The following SFSWAP variants were observed in gnomAD, a reference collection of about 807,000 sequenced individuals.
The protein encoded by SFSWAP is splicing factor, suppressor of white-apricot homolog.
Under a neutral mutation model 100.7 loss-of-function variants are expected in SFSWAP, and 17 were observed. The ratio of observed to expected loss-of-function variants is 0.17; its 90% CI spans 0.12 to 0.25. The LOEUF is 0.25. SFSWAP is among the 10% of genes least tolerant of loss of function. The pLI, the probability that SFSWAP is intolerant of heterozygous loss-of-function variation, is 1.00. For missense variants in SFSWAP, 1,005 were observed against 1,262.6 expected (o/e 0.80, Z 3.09); for synonymous variants, 504 against 510.1 (o/e 0.99, Z 0.16).
chr12:131,741,972 G>A lies in SFSWAP; in HGVS notation c.1082-11151G>A, dbSNP rs192791889. ...GTGTGCAAGCCTGTGTGTTCTTGGT[G>A]TGGGTGGATTCTCCTTGATGCTCTC... On this transcript the variant is annotated intron_variant, in intron 7 of 17. Transcript: ENST00000261674. 2.7e-3 allele frequency among the ~76,000 whole-genome samples: 416 copies of A among 152,282 alleles called. 5 individuals are homozygous for A. Among genetic ancestry groups the A allele is most frequent in the Non-Finnish European group, 3.0e-3 (207 of 68,022 alleles).
intron 3 of SFSWAP, among the ~76,000 whole-genome samples, chr12:131,715,744 A>C (rs1877843968): frequency 6.8e-6 from 1 of 147,640 alleles, no homozygotes; most frequent in African/African-American, 2.4e-5. Context: ...AGAAACATTC[A>C]AATGTTTACA....
rs899118320 is a variant in SFSWAP at position 131,725,800 on chromosome 12, G to A, written c.832+170G>A. On this transcript the variant is annotated intron_variant, in intron 5 of 17. Coordinates refer to ENST00000261674, the MANE Select transcript of SFSWAP (RefSeq NM_004592.4). The surrounding 1 kb of genome is among the most constrained non-coding windows in gnomAD (Gnocchi z 4.3). ...GAAATCCTGCAGCTAAGGCGTGATC[G>A]TTACCCCTGCTGGTGCACCTTTATT... 7.9e-5 allele frequency among the ~76,000 whole-genome samples: 12 copies of A among 152,116 alleles called. No homozygotes were observed. The highest frequency in any genetic ancestry group is 2.4e-4 in the African/African-American group (10 of 41,412).
intron 15 of SFSWAP, among the ~76,000 whole-genome samples, chr12:131,793,040 G>A (rs1270958751): frequency 6.6e-6 from 1 of 152,178 alleles, no homozygotes; most frequent in East Asian, 1.9e-4. Context: ...AAAGGGCAGG[G>A]GGCCGGGACC....
chr12:131,774,120 T>TGCGGGGC (rs1421511843), intron 13 of SFSWAP, among the ~76,000 whole-genome samples: 2 of 152,038 alleles, frequency 1.3e-5, no homozygotes, highest in Non-Finnish European at 2.9e-5. Context: ...ACAGTGTGGC[T>TGCGGGGC]GCGGGGCACG....
intron 11 of SFSWAP, among the ~76,000 whole-genome samples, chr12:131,761,228 C>T (rs1047518770): frequency 8.5e-5 from 13 of 152,168 alleles, no homozygotes; most frequent in African/African-American, 3.1e-4. Flanking sequence ...TTTTCAAAAT[C>T]TCCCACAGAA....
intron 4 of SFSWAP, among the ~76,000 whole-genome samples, chr12:131,720,611 G>C (rs1443682315): frequency 1.3e-5 from 2 of 152,156 alleles, no homozygotes; most frequent in African/African-American, 4.8e-5. Flanking sequence ...CATGGTAGAT[G>C]CCGGGAAAGC....
chr12:131,729,017 A>ATC (rs1054448690), intron 7 of SFSWAP, among the ~76,000 whole-genome samples: 23 of 152,094 alleles, frequency 1.5e-4, no homozygotes, highest in African/African-American at 5.5e-4. Context: ...TTCTTTAAAT[A>ATC]TCCACCCAAG....
In SFSWAP at chr12:131,733,325, TG is replaced by T. The variant is rs1282349046; in HGVS notation, c.1081+4899del. On this transcript the variant is annotated intron_variant, in intron 7 of 17. Transcript: ENST00000261674. The surrounding 1 kb of genome is among the most constrained non-coding windows in gnomAD (Gnocchi z 5.1). ...CATTCCTGACCTGTTGAGCCAGGGG[TG>T]GATTGGCAGGCCTATAAGGCGCCTT... 6.6e-6 allele frequency among the ~76,000 whole-genome samples: 1 copy of T among 152,036 alleles called. No individual in the cohort carries two copies. Among genetic ancestry groups the T allele is most frequent in the Non-Finnish European group, 1.5e-5 (1 of 68,002 alleles).
intron 11 of SFSWAP, among the ~76,000 whole-genome samples, chr12:131,764,034 G>A (rs556608159): frequency 1.3e-5 from 2 of 152,286 alleles, no homozygotes; most frequent in African/African-American, 4.8e-5. Context: ...GCTGAGGCAG[G>A]AGAATCGCTT....
chr12:131,773,321 A>G (rs1012405922), intron 13 of SFSWAP, among the ~76,000 whole-genome samples: 1 of 152,008 alleles, frequency 6.6e-6, no homozygotes, highest in Admixed American at 6.6e-5. Flanking sequence ...CTGCAGGATG[A>G]TTTCTTAGAT....
chr12:131,766,723 A>G (rs1443911791), intron 13 of SFSWAP, among the ~76,000 whole-genome samples: 1 of 152,212 alleles, frequency 6.6e-6, no homozygotes, highest in African/African-American at 2.4e-5. Context: ...GTCTGTATCA[A>G]TGTCAGCACT....
chr12:131,745,880 G>A (rs1021139826), intron 7 of SFSWAP, among the ~76,000 whole-genome samples: 2 of 152,100 alleles, frequency 1.3e-5, no homozygotes, highest in Non-Finnish European at 2.9e-5. Flanking sequence ...AGGGAATGGC[G>A]ACTCTTGGCA....
At position 131,753,158 on chromosome 12, in the gene SFSWAP, C is replaced by T; in HGVS notation, c.1117C>T (p.Leu373=). Residue 373 remains leucine (L), a synonymous_variant, in exon 8 of 18, where the codon CTA becomes TTA. Coordinates refer to ENST00000261674, the MANE Select transcript of SFSWAP (RefSeq NM_004592.4). ...AGCCATGTATTACAGCTACTACATG[C>T]TACCGGACGGCACTTACTGCCTGGC... The part of the protein sequence containing the change: ...VAAMYYSYYM[L]PDGTYCLAPP... The T allele has an allele frequency of 6.2e-7, 1 of 1,614,154 alleles. No individual in the cohort carries two copies. The highest frequency in any genetic ancestry group is 1.3e-5 in the African/African-American group (1 of 75,032).
chr12:131,799,229 A>G, intron 17 of SFSWAP, 120 bp downstream of exon 17: 1 of 1,032,998 alleles, frequency 9.7e-7, no homozygotes, highest in Admixed American at 2.0e-5. Flanking sequence ...GATCTCGGGC[A>G]AAATACCACA....
intron 7 of SFSWAP, among the ~76,000 whole-genome samples, chr12:131,739,898 T>G (rs2136206252): frequency 6.6e-6 from 1 of 152,332 alleles, no homozygotes. Context: ...TCCCTACAGC[T>G]TCTCCTTTTG....
intron 7 of SFSWAP, among the ~76,000 whole-genome samples, chr12:131,746,934 C>A (rs955301699): frequency 6.6e-6 from 1 of 152,020 alleles, no homozygotes. Flanking sequence ...GAAACCCGGT[C>A]TCTACTAAAA....
chr12:131,782,909 G>A (rs114456996), intron 14 of SFSWAP, among the ~76,000 whole-genome samples: 59 of 152,270 alleles, frequency 3.9e-4, no homozygotes, highest in African/African-American at 1.2e-3. Flanking sequence ...AGGCTGGCAC[G>A]GTGGCTCACG....
chr12:131,744,750 T>G (rs1002769740), intron 7 of SFSWAP, among the ~76,000 whole-genome samples: 1 of 152,200 alleles, frequency 6.6e-6, no homozygotes, highest in Non-Finnish European at 1.5e-5. Flanking sequence ...ACACTGCTGA[T>G]AAAGACATAC....
chr12:131,739,347 A>G (rs1028470915), intron 7 of SFSWAP, among the ~76,000 whole-genome samples: 1 of 152,172 alleles, frequency 6.6e-6, no homozygotes, highest in African/African-American at 2.4e-5. Context: ...CACCGCTAGG[A>G]TATGAGTGCT....
Sources: gnomAD v4.1 joint callset for allele counts (sites outside exome capture counted in the v4.1 genomes callset) on GRCh38, gnomAD v4.1.1 for gene constraint, Gnocchi (gnomAD v3.1) non-coding constraint, MANE v1.5 for transcripts, NCBI Gene and HGNC (gene_info 2026-07-23, HGNC 2026-07-21) for gene names.